DMXL2: variants seen among roughly 807,000 people sequenced by gnomAD.
DMXL2 encodes the protein dmX-like protein 2.
Under a neutral mutation model 331.1 loss-of-function variants are expected in DMXL2, and 103 were observed. The ratio of observed to expected loss-of-function variants is 0.31; its 90% CI spans 0.27 to 0.37. DMXL2 has a LOEUF of 0.37. DMXL2 is among the 10% of genes least tolerant of loss of function. DMXL2 has a pLI of 1.00. For synonymous variants in DMXL2, 1,281 were observed against 1,252.1 expected, an observed-to-expected ratio of 1.02 and a Z score of -0.49; for missense variants, 3,171 against 3,642.9, an observed-to-expected ratio of 0.87 and a Z score of 3.33.
At chr15:51,507,962 A>C (rs1344889210) in intron 15 of DMXL2, among the ~76,000 whole-genome samples, 3 of 152,202 alleles carry the variant, frequency 2.0e-5, no homozygotes, top group African/African-American at 7.2e-5. Flanking sequence ...ACTGAAAATG[A>C]GATCTAATGC....
chr15:51,506,826 A>G (rs1431531830), intron 16 of DMXL2, among the ~76,000 whole-genome samples: 1 of 152,254 alleles, frequency 6.6e-6, no homozygotes, highest in Non-Finnish European at 1.5e-5. Flanking sequence ...TTAACAAAAA[A>G]GTACAATATT....
At position 51,536,858 on chromosome 15, in the gene DMXL2, G is replaced by A. The variant is rs767380260; in HGVS notation, c.1622C>T (p.Ser541Phe). 1 of 1,593,074 alleles carries A rather than the reference G, an allele frequency of 6.3e-7. No individual in the cohort carries two copies. Among genetic ancestry groups the A allele is most frequent in the Non-Finnish European group, 8.5e-7 (1 of 1,173,534 alleles). ...NPGIFRQVQV[S>F]FSSRIPVAFP... is the part of the protein sequence containing the mutation. The stretch of plus-strand genomic sequence containing the variant: ...TGCAACAGGAATCCGAGAAGAAAAA[G>A]AAACCTGAAAAACATAATTATATGA... Residue 541 changes from serine (S) to phenylalanine (F), a missense_variant, in exon 12 of 44, where the codon TCT becomes TTT. This residue lies in a region of DMXL2 where 1,674 missense variants were observed against 1,780.2 expected (regional missense o/e 0.94). Transcript: ENST00000560891.
In DMXL2 at chr15:51,579,647, T is replaced by A. The variant is rs969701687; in HGVS notation, c.88-3466A>T. On this transcript the variant is annotated intron_variant, in intron 1 of 43. Transcript: ENST00000560891. The stretch of plus-strand genomic sequence containing the variant: ...GTCTGGCTCCAGAAGTCTAAGTACC[T>A]AGAAACTTAGTCAAAGAACTTGGAG... 6.6e-5 allele frequency among the ~76,000 whole-genome samples: 10 copies of A among 152,204 alleles called. 1 individual carries two copies. The highest frequency in any genetic ancestry group is 5.9e-4 in the Admixed American group (9 of 15,288).
chr15:51,611,285 A>T (rs1769705803), intron 1 of DMXL2, among the ~76,000 whole-genome samples: 1 of 152,220 alleles, frequency 6.6e-6, no homozygotes, highest in Non-Finnish European at 1.5e-5. Context: ...AGCAACAGAG[A>T]TGCTGCAGAC....
intron 29 of DMXL2, among the ~76,000 whole-genome samples, chr15:51,467,046 T>G (rs979665214): frequency 6.6e-6 from 1 of 151,940 alleles, no homozygotes; most frequent in Non-Finnish European, 1.5e-5. Flanking sequence ...GAAAGATTAT[T>G]TAATAAATAA....
At position 51,448,105 on chromosome 15, in the gene DMXL2, A is replaced by G. The variant is rs919739695; in HGVS notation, c.*879T>C. The G allele has an allele frequency of 6.6e-6, 1 of 152,670 alleles. No homozygotes were observed. Among genetic ancestry groups the G allele is most frequent in the Non-Finnish European group, 1.5e-5 (1 of 68,040 alleles). The allele number at this position is 152,670 out of a possible 1,614,324, so 9.5% of individuals were successfully genotyped here. A position where few individuals can be genotyped will look rare whatever the true frequency, so the allele number is the denominator to read the frequency against. On this transcript the variant is annotated 3_prime_UTR_variant, in exon 44 of 44. Transcript: ENST00000560891. The stretch of plus-strand genomic sequence containing the variant: ...GCTGTGGCAATAAATAATGTCACCA[A>G]TCTCATCAACTATTAACTGGCCACA...
At chr15:51,602,060 A>C (rs971092453) in intron 1 of DMXL2, among the ~76,000 whole-genome samples, 1 of 152,198 alleles carries the variant, frequency 6.6e-6, no homozygotes, top group Admixed American at 6.5e-5. Context: ...GCAGCCATAA[A>C]ACATAAACAG....
At chr15:51,549,944 T>G (rs548795517) in intron 6 of DMXL2, among the ~76,000 whole-genome samples, 1 of 152,060 alleles carries the variant, frequency 6.6e-6, no homozygotes. Context: ...TCATTTACTG[T>G]GCAGAAACTC....
chr15:51,451,721 A>G (rs773267139), intron 41 of DMXL2, 24 bp from the exon 42 acceptor site: 1 of 1,586,220 alleles, frequency 6.3e-7, no homozygotes, highest in South Asian at 1.1e-5. Flanking sequence ...ACAATAACAA[A>G]AATACATCAT....
Position 51,622,563 on chromosome 15 carries a change from G to C in DMXL2, c.-18C>G. 6.5e-7 allele frequency: 1 copy of C among 1,544,860 alleles called. No individual in the cohort carries two copies. Among genetic ancestry groups the C allele is most frequent in the Middle Eastern group, 1.7e-4 (1 of 5,920 alleles). ...AGATGCATCTCCGGAGCCCGGGCTGGACAGAATGCGCGGGAGGTGCGACAA... is the reference window on the plus strand; with the variant it reads ...AGATGCATCTCCGGAGCCCGGGCTGCACAGAATGCGCGGGAGGTGCGACAA... On this transcript the variant is annotated 5_prime_UTR_variant, in exon 1 of 44. Coordinates refer to ENST00000560891, the MANE Select transcript of DMXL2 (RefSeq NM_001378457.1).
intron 34 of DMXL2, 42 bp downstream of exon 34, chr15:51,459,556 A>G: frequency 1.6e-6 from 2 of 1,285,410 alleles, no homozygotes; most frequent in Non-Finnish European, 2.0e-6. Flanking sequence ...TAGCTCCTTG[A>G]ACTTTAAAGA....
intron 13 of DMXL2, among the ~76,000 whole-genome samples, chr15:51,520,112 T>C (rs1251321344): frequency 7.2e-5 from 11 of 152,242 alleles, no homozygotes; most frequent in Admixed American, 6.5e-5. Context: ...ATGGCTGTAA[T>C]AAACTACTTA....
chr15:51,492,859 T>C (rs922111624), intron 19 of DMXL2, among the ~76,000 whole-genome samples: 8 of 152,224 alleles, frequency 5.3e-5, no homozygotes, highest in African/African-American at 1.9e-4. Flanking sequence ...TCTATATTGT[T>C]ACACATAATT....
chr15:51,556,355 G>GAAAAAAAAAAAAAAAAAAAAAAAAAAA (rs59460472), intron 6 of DMXL2, among the ~76,000 whole-genome samples: 3 of 118,980 alleles, frequency 2.5e-5, no homozygotes, highest in Non-Finnish European at 5.1e-5. Flanking sequence ...AAAAAAAAAA[G>GAAAAAAAAAAAAAAAAAAAAAAAAAAA]AAAAAAAAAA....
Position 51,450,061 on chromosome 15 carries a change from T to A in DMXL2, c.8967+68A>T, listed in dbSNP as rs560946039. The A allele has an allele frequency of 3.3e-5, 45 of 1,373,766 alleles. No individual in the cohort carries two copies. In the East Asian group the frequency reaches 4.1e-4, roughly 12 times the overall value. 85.1% of individuals were successfully genotyped at this position (1,373,766 alleles called of 1,614,324 possible). On this transcript the variant is annotated intron_variant, in intron 43 of 43. Transcript: ENST00000560891. ...TAAAGTGAAGCTTTATTTCAAAGAATGTGGAGTTTTTGTTTTTTCTCTTTC... is the reference window on the plus strand; with the variant it reads ...TAAAGTGAAGCTTTATTTCAAAGAAAGTGGAGTTTTTGTTTTTTCTCTTTC...
At chr15:51,467,664 G>A (rs1042241586) in intron 29 of DMXL2, among the ~76,000 whole-genome samples, 23 of 151,974 alleles carry the variant, frequency 1.5e-4, no homozygotes, top group Non-Finnish European at 2.9e-5. Context: ...TTAGTAATGT[G>A]GAAAATAATC....
chr15:51,494,959 G>T, intron 19 of DMXL2, 65 bp downstream of exon 19: 1 of 1,168,544 alleles, frequency 8.6e-7, no homozygotes, highest in South Asian at 1.3e-5. Context: ...ACACAAACAT[G>T]ATACACCCCA....
chr15:51,527,561 T>A (rs1332948513), intron 13 of DMXL2, among the ~76,000 whole-genome samples: 6 of 152,068 alleles, frequency 3.9e-5, no homozygotes, highest in African/African-American at 9.7e-5. Flanking sequence ...AAACCCTGTC[T>A]CTACTAAAAT....
In DMXL2 at chr15:51,450,225, A is replaced by G; in HGVS notation, c.8871T>C (p.Ile2957=). The G allele has an allele frequency of 1.2e-6, 2 of 1,614,138 alleles. No individual in the cohort carries two copies. The highest frequency in any genetic ancestry group is 1.7e-6 in the Non-Finnish European group (2 of 1,180,010). ...CIFDIRQRQL[I]HTFQAHDSAI... The stretch of plus-strand genomic sequence containing the variant: ...CTGAGTCATGGGCCTGGAACGTGTG[A>G]ATGAGCTGCCTTTGCCTGATGTCAA... Residue 2957 remains isoleucine (I), a synonymous_variant, in exon 43 of 44, where the codon ATT becomes ATC. Transcript: ENST00000560891.
Sources: gnomAD v4.1 joint callset for allele counts (sites outside exome capture counted in the v4.1 genomes callset) on GRCh38, gnomAD v4.1.1 for gene constraint, gnomAD v4.1.1 regional missense constraint, MANE v1.5 for transcripts, NCBI Gene and HGNC (gene_info 2026-07-23, HGNC 2026-07-21) for gene names.